Variants in TNR observed in about 807,000 individuals in gnomAD.
TNR encodes the protein tenascin R, also known as tenascin-R.
Under a neutral mutation model 150.4 loss-of-function variants are expected in TNR, and 45 were observed. The ratio of observed to expected loss-of-function variants is 0.30; its 90% CI spans 0.24 to 0.38. TNR has a LOEUF of 0.38. TNR is among the 10% of genes least tolerant of loss of function. TNR has a pLI of 1.00. For synonymous variants in TNR, 687 were observed against 678.4 expected, an observed-to-expected ratio of 1.01 and a Z score of -0.20; for missense variants, 1,544 against 1,759.1, an observed-to-expected ratio of 0.88 and a Z score of 2.19.
At chr1:175,555,569 A>C (rs1436726076) in intron 1 of TNR, among the ~76,000 whole-genome samples, 1 of 114,592 alleles carries the variant, frequency 8.7e-6, no homozygotes, top group Non-Finnish European at 2.1e-5. Flanking sequence ...GAAGACACTT[A>C]CAAGATGCAA....
chr1:175,654,474 G>GTTT (rs1216710585), intron 1 of TNR, among the ~76,000 whole-genome samples: 6 of 152,160 alleles, frequency 3.9e-5, no homozygotes, highest in African/African-American at 1.2e-4. Context: ...CTCCCATGGA[G>GTTT]TCTCTTGACT....
chr1:175,489,098 T>C (rs1658135337), intron 2 of TNR, among the ~76,000 whole-genome samples: 1 of 152,204 alleles, frequency 6.6e-6, no homozygotes, highest in Non-Finnish European at 1.5e-5. Context: ...CTTTCAATGC[T>C]GTAAGGATGG....
rs142775942 is a variant in TNR, at chr1:175,375,727, A to C, written c.1963+3825T>G. Reference sequence around the variant, plus strand: ...CTTTAAGTGTTGAGTCAACAGTGAGAGTAAAGGGGGCCTGACCTTGTGCCC... The same window carrying C: ...CTTTAAGTGTTGAGTCAACAGTGAGCGTAAAGGGGGCCTGACCTTGTGCCC... On this transcript the variant is annotated intron_variant, in intron 9 of 22. Transcript: ENST00000367674. Among the ~76,000 whole-genome samples the C allele has an allele frequency of 2.2e-3, 337 of 152,248 alleles. 2 individuals carry two copies. The highest frequency in any genetic ancestry group is 7.7e-3 in the African/African-American group (320 of 41,540).
intron 1 of TNR, among the ~76,000 whole-genome samples, chr1:175,702,148 A>T (rs1184443822): frequency 6.6e-6 from 1 of 152,174 alleles, no homozygotes. Flanking sequence ...TCTGAGACAC[A>T]TTCTGTGGTT....
At chr1:175,324,595 T>C in intron 21 of TNR, 76 bp from the exon 22 acceptor site, 1 of 1,535,878 alleles carries the variant, frequency 6.5e-7, no homozygotes, top group Non-Finnish European at 8.9e-7. Context: ...CTTGACCCAC[T>C]TCCAGCAAAC....
At chr1:175,381,344 C>T (rs1387419412) in intron 8 of TNR, among the ~76,000 whole-genome samples, 1 of 152,180 alleles carries the variant, frequency 6.6e-6, no homozygotes, top group Admixed American at 6.5e-5. Context: ...GTGCTCTTCA[C>T]AACTAAAAAC....
In TNR at chr1:175,620,739, T is replaced by G. The variant is rs1179159654; in HGVS notation, c.-164-92370A>C. 2.0e-5 allele frequency among the ~76,000 whole-genome samples: 3 copies of G among 152,024 alleles called. No homozygotes were observed. In the East Asian group the frequency reaches 5.8e-4, roughly 29 times the overall value. The stretch of plus-strand genomic sequence containing the variant: ...TGGGCTGGCCTCTGGTGTCCAGCAC[T>G]GCAACAGTCACAGCTGAAGAGCCCC... On this transcript the variant is annotated intron_variant, in intron 1 of 22. Coordinates refer to ENST00000367674, the MANE Select transcript of TNR (RefSeq NM_003285.3).
At chr1:175,391,495 G>C in intron 6 of TNR, 57 bp from the exon 7 acceptor site, 1 of 1,567,446 alleles carries the variant, frequency 6.4e-7, no homozygotes, top group Non-Finnish European at 8.7e-7. Context: ...AGAGAAATCT[G>C]ATGAGAGAAA....
chr1:175,406,507 T>C lies in TNR; in HGVS notation c.208A>G (p.Asn70Asp), dbSNP rs899634418. 7 of 1,614,082 alleles carry C rather than the reference T, an allele frequency of 4.3e-6. No individual in the cohort carries two copies. In the African/African-American group the frequency reaches 5.3e-5, roughly 12 times the overall value. The change falls in exon 3 of 23, where the codon AAC becomes GAC. Residue 70 changes from asparagine to aspartate, a missense_variant. Coordinates refer to ENST00000367674, the MANE Select transcript of TNR (RefSeq NM_003285.3). ...AGGTTGTCCAAGGGCACGTTAATGTTGTACACGTGGTTGAAGACCACAGGC... is the reference window on the plus strand; with the variant it reads ...AGGTTGTCCAAGGGCACGTTAATGTCGTACACGTGGTTGAAGACCACAGGC... Reference protein sequence around the residue: ...EQPVVFNHVYNINVPLDNLCS... With the variant: ...EQPVVFNHVYDINVPLDNLCS...
At chr1:175,564,403 T>C (rs12565044) in intron 1 of TNR, among the ~76,000 whole-genome samples, 22,918 of 152,194 alleles carry the variant, frequency 0.15, 2,137 homozygotes, top group African/African-American at 0.26. Flanking sequence ...GGGAAAGAAA[T>C]CCCTCGTCAA....
intron 1 of TNR, among the ~76,000 whole-genome samples, chr1:175,583,622 G>A (rs73050416): frequency 0.12 from 18,779 of 152,134 alleles, 1,477 homozygotes; most frequent in African/African-American, 0.22. Context: ...CCATAGTAGA[G>A]CAGTGGTCAA....
At chr1:175,701,511 C>T (rs997416639) in intron 1 of TNR, among the ~76,000 whole-genome samples, 1 of 152,232 alleles carries the variant, frequency 6.6e-6, no homozygotes, top group Non-Finnish European at 1.5e-5. Context: ...ACACTGGATG[C>T]ACCCCTACAA....
chr1:175,325,032 A>G (rs1460265802), intron 21 of TNR, among the ~76,000 whole-genome samples: 1 of 152,152 alleles, frequency 6.6e-6, no homozygotes, highest in Non-Finnish European at 1.5e-5. Flanking sequence ...TAGAATTCCC[A>G]TCCGTAAGAA....
intron 5 of TNR, among the ~76,000 whole-genome samples, chr1:175,395,884 T>A (rs1653402596): frequency 6.6e-6 from 1 of 152,222 alleles, no homozygotes; most frequent in Non-Finnish European, 1.5e-5. Context: ...AGTTTCCCTT[T>A]ATGTATAAAA....
intron 15 of TNR, 127 bp downstream of exon 15, chr1:175,359,485 G>T: frequency 6.8e-7 from 1 of 1,471,790 alleles, no homozygotes; most frequent in Non-Finnish European, 9.3e-7. Flanking sequence ...TAGTATACCT[G>T]AAGTAGGAAC....
chr1:175,621,099 T>C (rs1325694826), intron 1 of TNR, among the ~76,000 whole-genome samples: 1 of 152,226 alleles, frequency 6.6e-6, no homozygotes, highest in African/African-American at 2.4e-5. Context: ...CCTTGACTGT[T>C]AACTGCAGGA....
intron 2 of TNR, among the ~76,000 whole-genome samples, chr1:175,472,413 T>C (rs375875508): frequency 1.9e-4 from 29 of 152,220 alleles, no homozygotes; most frequent in African/African-American, 6.5e-4. Context: ...ATAGTAAATA[T>C]ATAAAATAGT....
intron 2 of TNR, among the ~76,000 whole-genome samples, chr1:175,439,048 A>C (rs150224397): frequency 6.6e-6 from 1 of 152,314 alleles, no homozygotes; most frequent in Admixed American, 6.5e-5. Flanking sequence ...TGGAACAAAA[A>C]ATGAGCCCTC....
chr1:175,586,766 G>A (rs558400543), intron 1 of TNR, among the ~76,000 whole-genome samples: 1 of 152,298 alleles, frequency 6.6e-6, no homozygotes, highest in African/African-American at 2.4e-5. Context: ...CTGGATATTG[G>A]TCATGGTACT....
Sources: allele counts gnomAD v4.1 joint callset (sites outside exome capture counted in the v4.1 genomes callset), GRCh38; gene constraint gnomAD v4.1.1; transcripts MANE v1.5; gene names NCBI Gene and HGNC (gene_info 2026-07-23, HGNC 2026-07-21).